The following ERC2 variants were observed in gnomAD, a reference collection of about 807,000 sequenced individuals.
ERC2 encodes the protein ERC protein 2.
A neutral mutation model predicts 114.8 loss-of-function variants in ERC2; 42 were observed. The ratio of observed to expected loss-of-function variants is 0.37; its 90% CI spans 0.29 to 0.47. The LOEUF (loss-of-function observed/expected upper bound fraction) is 0.47, where lower values mean the gene tolerates loss of function less well. Ranked by LOEUF, ERC2 falls within the 20% of genes least tolerant of loss-of-function variation. The probability of loss-of-function intolerance (pLI) is 0.99; values close to 1 mark genes in which losing one functional copy is unlikely to be tolerated. For missense variants in ERC2, 939 were observed against 1,150.7 expected (o/e 0.82, Z 2.66); for synonymous variants, 454 against 425.5 (o/e 1.07, Z -0.82).
chr3:56,017,286 C>T (rs2073373641), intron 8 of ERC2, among the ~76,000 whole-genome samples: 1 of 151,876 alleles, frequency 6.6e-6, no homozygotes, highest in African/African-American at 2.4e-5. Flanking sequence ...ACAATAGGTG[C>T]CCAGAGAATG....
Position 56,387,783 on chromosome 3 carries a change from CCCAGCCA to C in ERC2, c.657+46561_657+46567del, listed in dbSNP as rs2059987680. 8.5e-5 allele frequency among the ~76,000 whole-genome samples: 13 copies of C among 152,250 alleles called. No homozygotes were observed. The South Asian group carries it at 2.5e-3, about 29-fold the overall frequency. On this transcript the variant is annotated intron_variant, in intron 2 of 17. Transcript: ENST00000288221. The stretch of plus-strand genomic sequence containing the variant: ...GAGTGTCCTTGCAAGATGCGTATGA[CCCAGCCA>C]TCAATGCTAAAGAGACATGATTGGA...
rs574379680 is a variant in ERC2, at chr3:55,892,069, C to T, written c.2404-3520G>A. On this transcript the variant is annotated intron_variant, in intron 13 of 17. Coordinates refer to ENST00000288221, the MANE Select transcript of ERC2 (RefSeq NM_015576.3). ...CTTTCTCAGCTTCCATTTCCTCATC[C>T]ATATTTACCTCAACAGGTAAATAGG... 2.0e-3 allele frequency among the ~76,000 whole-genome samples: 300 copies of T among 152,288 alleles called. 1 individual carries two copies. Among genetic ancestry groups the T allele is most frequent in the African/African-American group, 7.0e-3 (289 of 41,560 alleles).
At chr3:56,384,462 T>C (rs1576693560) in intron 2 of ERC2, among the ~76,000 whole-genome samples, 2 of 152,174 alleles carry the variant, frequency 1.3e-5, no homozygotes, top group African/African-American at 4.8e-5. Context: ...ATGTTCAGTA[T>C]TTTTTCATAT....
intron 3 of ERC2, among the ~76,000 whole-genome samples, chr3:56,279,500 G>T (rs1172314714): frequency 6.6e-6 from 1 of 152,182 alleles, no homozygotes; most frequent in Non-Finnish European, 1.5e-5. Context: ...CCCCAGCAGT[G>T]GGGGAGTCAC....
Position 56,432,155 on chromosome 3 carries a change from G to A in ERC2, c.657+2196C>T, listed in dbSNP as rs140520017. Reference sequence around the variant, plus strand: ...CTATCTCATCCACATTTAATTCTTCGTGGATGTCATAAAAGACACATAATA... The same window carrying A: ...CTATCTCATCCACATTTAATTCTTCATGGATGTCATAAAAGACACATAATA... On this transcript the variant is annotated intron_variant, in intron 2 of 17. Transcript: ENST00000288221. 6.5e-4 allele frequency among the ~76,000 whole-genome samples: 99 copies of A among 152,178 alleles called. 1 individual carries two copies. Among genetic ancestry groups the A allele is most frequent in the African/African-American group, 1.9e-3 (79 of 41,502 alleles).
rs2057488186 is a variant in ERC2 at position 55,584,410 on chromosome 3, C to T, written c.*40-73134G>A. On this transcript the variant is annotated intron_variant, in intron 17 of 17. Transcript: ENST00000288221. Reference sequence around the variant, plus strand: ...CATTCAACAATGGCTGCTATGACTACTAGTTGTCCATGCCAGGTGTTCTGG... The same window carrying T: ...CATTCAACAATGGCTGCTATGACTATTAGTTGTCCATGCCAGGTGTTCTGG... Among the ~76,000 whole-genome samples the T allele has an allele frequency of 2.0e-5, 3 of 152,166 alleles. No homozygotes were observed. In the South Asian group the frequency reaches 6.2e-4, roughly 32 times the overall value.
At chr3:55,556,737 A>G (rs954938589) in intron 17 of ERC2, among the ~76,000 whole-genome samples, 1 of 152,192 alleles carries the variant, frequency 6.6e-6, no homozygotes, top group Admixed American at 6.5e-5. Context: ...TGACCACATC[A>G]TCTGAGCCCC....
chr3:56,204,922 C>CTGTGTGTGTG (rs58831473), intron 3 of ERC2, among the ~76,000 whole-genome samples: 219 of 150,040 alleles, frequency 1.5e-3, no homozygotes, highest in African/African-American at 5.1e-3. Context: ...TGGGACGTGT[C>CTGTGTGTGTG]TGTGTGTGTG....
chr3:56,148,486 C>T (rs2081258605), intron 5 of ERC2, among the ~76,000 whole-genome samples: 1 of 152,120 alleles, frequency 6.6e-6, no homozygotes, highest in African/African-American at 2.4e-5. Context: ...AGGGTTTCAC[C>T]ACGTTAGCCA....
chr3:55,577,685 C>G (rs138934630), intron 17 of ERC2, among the ~76,000 whole-genome samples: 1 of 152,312 alleles, frequency 6.6e-6, no homozygotes, highest in East Asian at 1.9e-4. Context: ...AGGCATGCAC[C>G]ATACTCTAGG....
intron 1 of ERC2, among the ~76,000 whole-genome samples, chr3:56,443,229 A>C (rs546237410): frequency 1.3e-5 from 2 of 152,372 alleles, no homozygotes; most frequent in South Asian, 4.1e-4. Flanking sequence ...CAAGATCACA[A>C]TGGGCAAGAG....
chr3:56,192,135 C>A (rs991066391), intron 3 of ERC2, among the ~76,000 whole-genome samples: 3 of 151,772 alleles, frequency 2.0e-5, no homozygotes, highest in Non-Finnish European at 4.4e-5. Flanking sequence ...GCCATTATTA[C>A]CTACATCTCT....
At chr3:55,545,225 T>C (rs2054662004) in intron 17 of ERC2, among the ~76,000 whole-genome samples, 1 of 152,186 alleles carries the variant, frequency 6.6e-6, no homozygotes, top group Admixed American at 6.5e-5. Context: ...TGCCATAGTT[T>C]GCTAATAGAA....
chr3:56,468,360 G>A lies in ERC2; in HGVS notation c.-253C>T, dbSNP rs535998158. ...CCGGCGCCGGAGCCGGAGACCGAGC[G>A]AGCAGGAGCGGGAGGCGGAGGAAGA... is the stretch of plus-strand genomic sequence containing the variant. On this transcript the variant is annotated 5_prime_UTR_variant, in exon 1 of 18. Coordinates refer to ENST00000288221, the MANE Select transcript of ERC2 (RefSeq NM_015576.3). 503 of 154,376 alleles carry A rather than the reference G, an allele frequency of 3.3e-3. 4 individuals carry two copies. The highest frequency in any genetic ancestry group is 0.012 in the African/African-American group (487 of 41,604). The allele number at this position is 154,376 out of a possible 1,614,324, so 9.6% of individuals were successfully genotyped here.
chr3:55,997,886 T>C (rs1215696516), intron 10 of ERC2, among the ~76,000 whole-genome samples: 1 of 36,544 alleles, frequency 2.7e-5, no homozygotes, highest in Admixed American at 3.5e-4. Flanking sequence ...TTCTGTTTTT[T>C]TTTTTTTTTT....
intron 3 of ERC2, among the ~76,000 whole-genome samples, chr3:56,243,020 T>C (rs575328109): frequency 4.3e-4 from 66 of 152,314 alleles, no homozygotes; most frequent in Middle Eastern, 3.4e-3. Flanking sequence ...CTTCTTTTTG[T>C]AAGTTAATAT....
chr3:56,421,912 C>A (rs56068604), intron 2 of ERC2, among the ~76,000 whole-genome samples: 10,903 of 152,036 alleles, frequency 0.072, 770 homozygotes, highest in African/African-American at 0.18. Context: ...GAGTGGATAA[C>A]TTAGTAAATA....
At chr3:55,588,876 G>A (rs1490451264) in intron 17 of ERC2, among the ~76,000 whole-genome samples, 3 of 151,980 alleles carry the variant, frequency 2.0e-5, no homozygotes, top group Non-Finnish European at 4.4e-5. Context: ...AGCCTGCCTC[G>A]AGTGTGTGGG....
intron 17 of ERC2, among the ~76,000 whole-genome samples, chr3:55,541,645 T>C (rs2054402217): frequency 6.6e-6 from 1 of 152,238 alleles, no homozygotes; most frequent in Non-Finnish European, 1.5e-5. Context: ...ACAATCTTTA[T>C]GTTGTCTTCT....
Sources: gnomAD v4.1 joint callset for allele counts (sites outside exome capture counted in the v4.1 genomes callset) on GRCh38, gnomAD v4.1.1 for gene constraint, MANE v1.5 for transcripts, NCBI Gene and HGNC (gene_info 2026-07-23, HGNC 2026-07-21) for gene names.